CCDC148: variants seen among roughly 807,000 people sequenced by gnomAD.
CCDC148 encodes the protein coiled-coil domain-containing protein 148.
In CCDC148, 89 loss-of-function variants were observed where a neutral mutation model predicts 85.7. The observed-to-expected ratio is 1.04, with a 90% CI of 0.87 to 1.24. The LOEUF (loss-of-function observed/expected upper bound fraction) is 1.24, where lower values mean the gene tolerates loss of function less well. CCDC148 is among the 50% of genes most tolerant of loss of function. The probability of loss-of-function intolerance (pLI) is 0.00; values close to 1 mark genes in which losing one functional copy is unlikely to be tolerated. For missense variants in CCDC148, 692 were observed against 671.7 expected, an observed-to-expected ratio of 1.03 and a Z score of -0.33; for synonymous variants, 230 against 213.9, an observed-to-expected ratio of 1.08 and a Z score of -0.66.
intron 7 of CCDC148, among the ~76,000 whole-genome samples, chr2:158,326,757 G>T (rs1056204868): frequency 6.6e-6 from 1 of 152,050 alleles, no homozygotes; most frequent in Admixed American, 6.6e-5. Context: ...TTTAATGAAA[G>T]AGGATACAAT....
intron 1 of CCDC148, among the ~76,000 whole-genome samples, chr2:158,448,967 G>A (rs1978403): frequency 0.9 from 136,403 of 152,010 alleles, 61,249 homozygotes; most frequent in Non-Finnish European, 0.92. Context: ...AGCTGGGATT[G>A]CAGGTGCCCG....
intron 10 of CCDC148, among the ~76,000 whole-genome samples, chr2:158,241,726 G>A (rs926988796): frequency 6.6e-6 from 1 of 152,082 alleles, no homozygotes; most frequent in Non-Finnish European, 1.5e-5. Flanking sequence ...TATTGGAAAG[G>A]AGGCAAATGC....
At chr2:158,201,563 C>T (rs1371947692) in intron 11 of CCDC148, among the ~76,000 whole-genome samples, 3 of 151,986 alleles carry the variant, frequency 2.0e-5, no homozygotes, top group Non-Finnish European at 4.4e-5. Flanking sequence ...CTATACGCCA[C>T]CAACTCTGGC....
At chr2:158,405,091 G>A (rs1247938657) in intron 1 of CCDC148, among the ~76,000 whole-genome samples, 1 of 152,030 alleles carries the variant, frequency 6.6e-6, no homozygotes, top group Non-Finnish European at 1.5e-5. Context: ...ACATATATTT[G>A]TGTTTTATTT....
chr2:158,294,502 A>T (rs1691075706), intron 9 of CCDC148, among the ~76,000 whole-genome samples: 1 of 152,194 alleles, frequency 6.6e-6, no homozygotes, highest in Non-Finnish European at 1.5e-5. Flanking sequence ...AGGAACTGCC[A>T]AAACAAGCCA....
rs993084058 is a variant in CCDC148, at chr2:158,171,369, T to C, written c.*744A>G. The C allele has an allele frequency of 6.6e-6, 1 of 152,104 alleles. No individual in the cohort carries two copies. The highest frequency in any genetic ancestry group is 6.6e-5 in the Admixed American group (1 of 15,230). 9.4% of individuals were successfully genotyped at this position (152,104 alleles called of 1,614,324 possible). A position where few individuals can be genotyped will look rare whatever the true frequency, so the allele number is the denominator to read the frequency against. ...TTTTAGAAATAGTCAAATATTTATG[T>C]TTGAGTTTTATTTTAAATGCTCCTT... On this transcript the variant is annotated 3_prime_UTR_variant, in exon 14 of 14. Coordinates refer to ENST00000283233, the MANE Select transcript of CCDC148 (RefSeq NM_138803.4).
intron 10 of CCDC148, among the ~76,000 whole-genome samples, chr2:158,245,563 CT>C (rs2105323873): frequency 6.6e-6 from 1 of 152,260 alleles, no homozygotes; most frequent in East Asian, 1.9e-4. Context: ...GTGAGTCTTG[CT>C]AAAATCTCCA....
intron 9 of CCDC148, among the ~76,000 whole-genome samples, chr2:158,301,524 T>C (rs981684201): frequency 2.0e-5 from 3 of 152,150 alleles, no homozygotes; most frequent in African/African-American, 7.2e-5. Flanking sequence ...CTGAGAGCAG[T>C]TATAGCATAT....
At chr2:158,352,423 A>G (rs1683365876) in intron 2 of CCDC148, among the ~76,000 whole-genome samples, 1 of 152,260 alleles carries the variant, frequency 6.6e-6, no homozygotes, top group African/African-American at 2.4e-5. Flanking sequence ...GAACTACGTG[A>G]AGAATGCAGA....
chr2:158,282,829 T>C (rs1690396928), intron 9 of CCDC148, among the ~76,000 whole-genome samples: 1 of 152,192 alleles, frequency 6.6e-6, no homozygotes. Context: ...AAGTCAATCC[T>C]AAGCCAAAAG....
intron 1 of CCDC148, among the ~76,000 whole-genome samples, chr2:158,444,606 C>T (rs1269537858): frequency 1.3e-5 from 2 of 150,754 alleles, no homozygotes; most frequent in African/African-American, 2.4e-5. Flanking sequence ...CATAGGGAGA[C>T]CTCATCTCTA....
chr2:158,429,360 AATAG>A (rs10664791), intron 1 of CCDC148, among the ~76,000 whole-genome samples: 27,603 of 149,546 alleles, frequency 0.18, 2,703 homozygotes, highest in Admixed American at 0.27. Flanking sequence ...AAAGAGCATG[AATAG>A]ATAGATAGAT....
chr2:158,198,138 C>A (rs987593008), intron 11 of CCDC148, among the ~76,000 whole-genome samples: 1 of 152,084 alleles, frequency 6.6e-6, no homozygotes, highest in Admixed American at 6.6e-5. Flanking sequence ...GAGGACATTT[C>A]CTATTTCTGG....
chr2:158,370,357 T>TA (rs1684387953), intron 1 of CCDC148, among the ~76,000 whole-genome samples: 1 of 152,096 alleles, frequency 6.6e-6, no homozygotes, highest in African/African-American at 2.4e-5. Flanking sequence ...CAAATTATTG[T>TA]AAAAAATTAA....
At chr2:158,350,295 T>C (rs1372106358) in intron 2 of CCDC148, among the ~76,000 whole-genome samples, 1 of 152,152 alleles carries the variant, frequency 6.6e-6, no homozygotes, top group Admixed American at 6.5e-5. Context: ...TTTGATAAAA[T>C]ACTGATTTTA....
chr2:158,220,594 C>A lies in CCDC148; in HGVS notation c.1370+1G>T. 3.8e-6 allele frequency: 6 copies of A among 1,598,476 alleles called. No homozygotes were observed. Among genetic ancestry groups the A allele is most frequent in the Non-Finnish European group, 4.3e-6 (5 of 1,171,640 alleles). ...CCACACAATTTTAAATTTTCTTTTA[C>A]CTTTCTCTGTCTTTTAGTGACTGTT... is the stretch of plus-strand genomic sequence containing the variant. On this transcript the variant is annotated splice_donor_variant, in intron 11 of 13. Coordinates refer to ENST00000283233, the MANE Select transcript of CCDC148 (RefSeq NM_138803.4). LOFTEE classifies it high-confidence loss of function.
intron 1 of CCDC148, among the ~76,000 whole-genome samples, chr2:158,427,989 A>G (rs1314651912): frequency 2.6e-5 from 4 of 152,222 alleles, no homozygotes; most frequent in African/African-American, 7.2e-5. Context: ...GCCAAAACAC[A>G]GAGAGTCTTT....
At chr2:158,437,641 G>A (rs1687724333) in intron 1 of CCDC148, among the ~76,000 whole-genome samples, 1 of 152,156 alleles carries the variant, frequency 6.6e-6, no homozygotes. Context: ...AATCAGGCAG[G>A]AGAAGGAAAT....
intron 11 of CCDC148, among the ~76,000 whole-genome samples, chr2:158,209,098 G>GTATA (rs10656848): frequency 2.0e-5 from 3 of 150,634 alleles, no homozygotes; most frequent in Non-Finnish European, 4.4e-5. Context: ...GTGTATGTAT[G>GTATA]TATATATATA....
Sources: gnomAD v4.1 joint callset for allele counts (sites outside exome capture counted in the v4.1 genomes callset) on GRCh38, gnomAD v4.1.1 for gene constraint, MANE v1.5 for transcripts, NCBI Gene and HGNC (gene_info 2026-07-23, HGNC 2026-07-21) for gene names.